Variants in LDLRAD4 observed in about 807,000 individuals in gnomAD.
LDLRAD4 encodes low density lipoprotein receptor class A domain containing 4.
A neutral mutation model predicts 17.0 loss-of-function variants in LDLRAD4; 5 were observed. The ratio of observed to expected loss-of-function variants is 0.29; its 90% CI spans 0.15 to 0.62. The LOEUF (loss-of-function observed/expected upper bound fraction) is 0.62, where lower values mean the gene tolerates loss of function less well. Ranked by LOEUF, LDLRAD4 falls within the 20% of genes least tolerant of loss-of-function variation. The probability of loss-of-function intolerance (pLI) is 0.84; values close to 1 mark genes in which losing one functional copy is unlikely to be tolerated. For synonymous variants in LDLRAD4, 168 were observed against 171.8 expected, an observed-to-expected ratio of 0.98 and a Z score of 0.17; for missense variants, 340 against 424.7, an observed-to-expected ratio of 0.80 and a Z score of 1.75.
At chr18:13,558,487 A>T (rs1326871365) in intron 3 of LDLRAD4, among the ~76,000 whole-genome samples, 1 of 152,256 alleles carries the variant, frequency 6.6e-6, no homozygotes, top group Non-Finnish European at 1.5e-5. Flanking sequence ...CTCATAAAGC[A>T]TTAAAGCAGT....
intron 1 of LDLRAD4, among the ~76,000 whole-genome samples, chr18:13,351,096 T>G (rs2083011003): frequency 6.6e-6 from 1 of 152,206 alleles, no homozygotes. Flanking sequence ...TTGCTTAGGA[T>G]TGTCTTGGCT....
intron 2 of LDLRAD4, chr18:13,420,042 T>G (rs1031803449): frequency 2.0e-5 from 3 of 152,166 alleles, no homozygotes; most frequent in African/African-American, 4.8e-5. Context: ...TGGAAAAAAG[T>G]GACACCTACA....
intron 3 of LDLRAD4, chr18:13,614,627 T>A (rs1452492689): frequency 6.6e-6 from 1 of 152,170 alleles, no homozygotes; most frequent in East Asian, 1.9e-4. Flanking sequence ...GTTTAATGAG[T>A]GTGAATCTTC....
intron 3 of LDLRAD4, among the ~76,000 whole-genome samples, chr18:13,474,093 T>C (rs1012236511): frequency 6.6e-6 from 1 of 152,138 alleles, no homozygotes; most frequent in Non-Finnish European, 1.5e-5. Flanking sequence ...CTCTCCTGCA[T>C]TAGCCATTAA....
intron 1 of LDLRAD4, among the ~76,000 whole-genome samples, chr18:13,376,729 C>A (rs2084940221): frequency 6.6e-6 from 1 of 152,198 alleles, no homozygotes. Flanking sequence ...TCCAGGAGGG[C>A]ACGTATCTTT....
At chr18:13,517,988 C>T (rs2093895013) in intron 3 of LDLRAD4, among the ~76,000 whole-genome samples, 1 of 152,222 alleles carries the variant, frequency 6.6e-6, no homozygotes, top group Non-Finnish European at 1.5e-5. Flanking sequence ...CCCGCCTCGG[C>T]CTCCCAAAGT....
chr18:13,636,964 A>AT (rs1365618714), intron 4 of LDLRAD4, among the ~76,000 whole-genome samples: 1 of 145,680 alleles, frequency 6.9e-6, no homozygotes, highest in Non-Finnish European at 1.5e-5. Flanking sequence ...CACCCGACTA[A>AT]TTTTTGTATT....
At chr18:13,596,380 G>A (rs2095095873) in intron 3 of LDLRAD4, among the ~76,000 whole-genome samples, 1 of 151,888 alleles carries the variant, frequency 6.6e-6, no homozygotes, top group Non-Finnish European at 1.5e-5. Flanking sequence ...AGTTTGATTG[G>A]CATTTACCAC....
chr18:13,539,414 G>A (rs1195951206), intron 3 of LDLRAD4, among the ~76,000 whole-genome samples: 2 of 152,332 alleles, frequency 1.3e-5, no homozygotes, highest in African/African-American at 4.8e-5. Context: ...GGAGGAACCA[G>A]AGCACGAAAA....
At chr18:13,561,204 A>T (rs2094537174) in intron 3 of LDLRAD4, among the ~76,000 whole-genome samples, 1 of 152,236 alleles carries the variant, frequency 6.6e-6, no homozygotes. Flanking sequence ...AGGCGTTAAG[A>T]GCGTGACATG....
At chr18:13,277,831 A>G (rs1012433065), upstream of LDLRAD4, among the ~76,000 whole-genome samples, 8 of 152,230 alleles carry the variant, frequency 5.3e-5, no homozygotes, top group Non-Finnish European at 8.8e-5. Context: ...TGCAGGAACA[A>G]GCGTGTGTCC....
chr18:13,567,454 C>A (rs528686179), intron 3 of LDLRAD4, among the ~76,000 whole-genome samples: 65 of 152,174 alleles, frequency 4.3e-4, no homozygotes, highest in Non-Finnish European at 8.2e-4. Context: ...TCACCACCCC[C>A]CGCCGCTGCA....
intron 2 of LDLRAD4, among the ~76,000 whole-genome samples, chr18:13,423,081 C>T (rs2089631167): frequency 1.3e-5 from 2 of 152,202 alleles, no homozygotes; most frequent in African/African-American, 2.4e-5. Flanking sequence ...GTCCAGAAGC[C>T]TTTACTGTAT....
exon 6 of LDLRAD4, chr18:13,652,152 T>G (rs1426419821): frequency 6.6e-6 from 1 of 152,242 alleles, no homozygotes; most frequent in Non-Finnish European, 1.5e-5. Flanking sequence ...GTGGGAGAAC[T>G]GTTGAGCATG....
chr18:13,268,855 A>G (rs1013733652), intron 1 of LDLRAD4, among the ~76,000 whole-genome samples: 2 of 152,256 alleles, frequency 1.3e-5, no homozygotes, highest in African/African-American at 2.4e-5. Flanking sequence ...GGAGGAAATG[A>G]TCCTGAGACA....
At chr18:13,433,027 T>C (rs1369602898) in intron 2 of LDLRAD4, among the ~76,000 whole-genome samples, 1 of 152,254 alleles carries the variant, frequency 6.6e-6, no homozygotes, top group Non-Finnish European at 1.5e-5. Flanking sequence ...TGAATTTTCC[T>C]TTTATTATAG....
At chr18:13,250,098 G>T (rs1419090901) in intron 1 of LDLRAD4, among the ~76,000 whole-genome samples, 1 of 152,164 alleles carries the variant, frequency 6.6e-6, no homozygotes, top group Non-Finnish European at 1.5e-5. Flanking sequence ...AGTGTTCTTG[G>T]CCTCTTTGTC....
chr18:13,441,682 A>G (rs555234400), intron 3 of LDLRAD4, among the ~76,000 whole-genome samples: 5 of 152,350 alleles, frequency 3.3e-5, no homozygotes, highest in African/African-American at 1.2e-4. Context: ...AAATTTCAGC[A>G]TGAATTAAAG....
chr18:13,463,642 G>C (rs944524201), intron 3 of LDLRAD4, among the ~76,000 whole-genome samples: 1 of 152,060 alleles, frequency 6.6e-6, no homozygotes, highest in Non-Finnish European at 1.5e-5. Flanking sequence ...TTCTAATTCT[G>C]AGTAACTAAC....
Sources: allele counts gnomAD v4.1 joint callset (sites outside exome capture counted in the v4.1 genomes callset), GRCh38; gene constraint gnomAD v4.1.1; transcripts MANE v1.5; gene names NCBI Gene and HGNC (gene_info 2026-07-23, HGNC 2026-07-21).